Variants in TASP1 observed in about 807,000 individuals in gnomAD.
TASP1 encodes the protein taspase 1.
TASP1 carries 16 observed loss-of-function variants against 56.6 expected under a neutral mutation model. The ratio of observed to expected loss-of-function variants is 0.28; its 90% CI spans 0.19 to 0.43. The LOEUF (loss-of-function observed/expected upper bound fraction) is 0.43, where lower values mean the gene tolerates loss of function less well. Among genes scored for constraint, TASP1 ranks in the 20% least tolerant of loss-of-function variants. The probability of loss-of-function intolerance (pLI) is 1.00; values close to 1 mark genes in which losing one functional copy is unlikely to be tolerated. For missense variants in TASP1, 393 were observed against 511.6 expected, an observed-to-expected ratio of 0.77 and a Z score of 2.24; for synonymous variants, 179 against 184.2, an observed-to-expected ratio of 0.97 and a Z score of 0.23.
chr20:13,562,690 A>T (rs2046381693), intron 7 of TASP1, among the ~76,000 whole-genome samples: 1 of 151,830 alleles, frequency 6.6e-6, no homozygotes, highest in Middle Eastern at 3.2e-3. Flanking sequence ...CAGCCTGGGC[A>T]ACATGGTGAA....
At chr20:13,146,963 C>A in the TASP1 span, among the ~76,000 whole-genome samples, 10 of 152,200 alleles carry the variant, frequency 6.6e-5, no homozygotes, top group African/African-American at 2.4e-4. Context: ...GCCCAAAAAG[C>A]CAGTTCCTGG....
intron 13 of TASP1, among the ~76,000 whole-genome samples, chr20:13,413,710 G>C (rs1381418522): frequency 6.6e-6 from 1 of 152,118 alleles, no homozygotes; most frequent in Non-Finnish European, 1.5e-5. Flanking sequence ...ACCCAAGAGT[G>C]ACATTTAAAA....
chr20:13,467,693 C>A (rs1279697111), intron 11 of TASP1, among the ~76,000 whole-genome samples: 1 of 151,978 alleles, frequency 6.6e-6, no homozygotes, highest in African/African-American at 2.4e-5. Context: ...CAGGATTATA[C>A]CTGACCTTTT....
At chr20:13,498,540 G>A (rs2146623297) in intron 10 of TASP1, among the ~76,000 whole-genome samples, 1 of 152,100 alleles carries the variant, frequency 6.6e-6, no homozygotes, top group South Asian at 2.1e-4. Flanking sequence ...TGTATTTTTA[G>A]TAGACATAGG....
chr20:13,178,673 A>C, the TASP1 span, among the ~76,000 whole-genome samples: 2 of 151,498 alleles, frequency 1.3e-5, no homozygotes, highest in African/African-American at 4.8e-5. Context: ...ACGTGTTCTC[A>C]CTCATATATG....
At chr20:13,130,863 T>C in the TASP1 span, among the ~76,000 whole-genome samples, 2 of 152,322 alleles carry the variant, frequency 1.3e-5, no homozygotes, top group Non-Finnish European at 2.9e-5. Flanking sequence ...GTGCTCAGCT[T>C]AATAAATATG....
chr20:13,202,946 G>T, the TASP1 span, among the ~76,000 whole-genome samples: 3 of 152,334 alleles, frequency 2.0e-5, no homozygotes. Context: ...AAGCCTGCAA[G>T]CAGAACTTAA....
chr20:13,272,218 A>AT, the TASP1 span, among the ~76,000 whole-genome samples: 1 of 152,188 alleles, frequency 6.6e-6, no homozygotes, highest in Admixed American at 6.5e-5. Context: ...TTGATCCTTC[A>AT]TTAACTGCCT....
At chr20:13,144,011 G>A in the TASP1 span, among the ~76,000 whole-genome samples, 1 of 152,122 alleles carries the variant, frequency 6.6e-6, no homozygotes, top group Non-Finnish European at 1.5e-5. Flanking sequence ...AGCATGTCAT[G>A]TTTACTTACA....
the TASP1 span, among the ~76,000 whole-genome samples, chr20:13,179,655 G>A: frequency 6.6e-6 from 1 of 152,132 alleles, no homozygotes; most frequent in Non-Finnish European, 1.5e-5. Context: ...GAGGCCTCTT[G>A]AGAGTCCTCC....
At chr20:13,483,415 C>T in intron 10 of TASP1, 78 bp from the exon 11 acceptor site, 1 of 887,390 alleles carries the variant, frequency 1.1e-6, no homozygotes, top group African/African-American at 1.7e-5. Context: ...TTAGAACACC[C>T]TTATGCATCA....
chr20:13,275,065 A>C, the TASP1 span, among the ~76,000 whole-genome samples: 1 of 152,222 alleles, frequency 6.6e-6, no homozygotes, highest in Non-Finnish European at 1.5e-5. Context: ...CTCTGAAATA[A>C]ATGCACTGTT....
chr20:13,313,697 T>C, the TASP1 span, among the ~76,000 whole-genome samples: 1 of 152,198 alleles, frequency 6.6e-6, no homozygotes, highest in Admixed American at 6.5e-5. Flanking sequence ...ACAGCTCCTT[T>C]TACCAATATA....
the TASP1 span, among the ~76,000 whole-genome samples, chr20:13,304,640 C>T: frequency 6.6e-6 from 1 of 152,174 alleles, no homozygotes; most frequent in African/African-American, 2.4e-5. Context: ...TGGGAGTCAA[C>T]AGACTGAGTG....
intron 13 of TASP1, among the ~76,000 whole-genome samples, chr20:13,406,918 G>A (rs1410611227): frequency 6.6e-6 from 1 of 151,960 alleles, no homozygotes; most frequent in African/African-American, 2.4e-5. Flanking sequence ...TGCCCGCCTT[G>A]GCCTCCCAAA....
intron 11 of TASP1, among the ~76,000 whole-genome samples, chr20:13,460,239 T>C (rs1041455193): frequency 6.6e-6 from 1 of 152,176 alleles, no homozygotes; most frequent in African/African-American, 2.4e-5. Context: ...GACCTGCTGA[T>C]CGTGCTTTGC....
the TASP1 span, among the ~76,000 whole-genome samples, chr20:13,283,655 G>A: frequency 0.22 from 34,033 of 152,078 alleles, 3,863 homozygotes; most frequent in African/African-American, 0.26. Flanking sequence ...TCTCTTCTGT[G>A]TAGATACTTG....
intron 2 of TASP1, among the ~76,000 whole-genome samples, chr20:13,628,165 T>C (rs775884735): frequency 3.3e-5 from 5 of 152,220 alleles, no homozygotes; most frequent in African/African-American, 4.8e-5. Flanking sequence ...AATTCCATTA[T>C]TTAAGGTTGG....
chr20:13,342,138 G>A, the TASP1 span, among the ~76,000 whole-genome samples: 250 of 152,322 alleles, frequency 1.6e-3, no homozygotes, highest in African/African-American at 5.3e-3. Context: ...GGAAGACTCC[G>A]TGGCCATTTT....
Sources: gnomAD v4.1 joint callset for allele counts (sites outside exome capture counted in the v4.1 genomes callset) on GRCh38, gnomAD v4.1.1 for gene constraint, MANE v1.5 for transcripts, NCBI Gene and HGNC (gene_info 2026-07-23, HGNC 2026-07-21) for gene names.